The following CPNE2 variants were observed in gnomAD, a reference collection of about 807,000 sequenced individuals.
CPNE2 encodes copine 2, also known as copine-2.
A neutral mutation model predicts 69.7 loss-of-function variants in CPNE2; 42 were observed. The observed-to-expected ratio is 0.60, with a 90% CI of 0.47 to 0.78. CPNE2 has a LOEUF of 0.78. Ranked by LOEUF, CPNE2 falls within the 30% of genes least tolerant of loss-of-function variation. The pLI, the probability that CPNE2 is intolerant of heterozygous loss-of-function variation, is 0.00. For missense variants in CPNE2, 587 were observed against 732.0 expected (o/e 0.80, Z 2.29); for synonymous variants, 294 against 289.8 (o/e 1.01, Z -0.15).
intron 1 of CPNE2, among the ~76,000 whole-genome samples, chr16:57,099,879 G>C (rs539383126): frequency 6.6e-6 from 1 of 150,938 alleles, no homozygotes; most frequent in Non-Finnish European, 1.5e-5. Flanking sequence ...GGATTCAAGC[G>C]ATTCTCCTGC....
chr16:57,114,247 G>A (rs1380556183), intron 3 of CPNE2, among the ~76,000 whole-genome samples: 1 of 152,194 alleles, frequency 6.6e-6, no homozygotes, highest in Non-Finnish European at 1.5e-5. Context: ...GACAGGGCAG[G>A]GAACTGACAA....
At chr16:57,145,128 G>A (rs963059783) in intron 14 of CPNE2, among the ~76,000 whole-genome samples, 1 of 151,970 alleles carries the variant, frequency 6.6e-6, no homozygotes, top group Non-Finnish European at 1.5e-5. Context: ...ATATCCCATT[G>A]TAAATGAAAA....
At chr16:57,107,956 C>T (rs1264121894) in intron 1 of CPNE2, among the ~76,000 whole-genome samples, 4 of 151,240 alleles carry the variant, frequency 2.6e-5, no homozygotes, top group Admixed American at 1.3e-4. Flanking sequence ...CAGCAATCTC[C>T]ACCTCCTGGG....
At chr16:57,117,844 A>G (rs1269544968) in intron 5 of CPNE2, among the ~76,000 whole-genome samples, 1 of 152,112 alleles carries the variant, frequency 6.6e-6, no homozygotes, top group Non-Finnish European at 1.5e-5. Flanking sequence ...TCCTTACCCA[A>G]TGGGGCCCTG....
intron 6 of CPNE2, 81 bp from the exon 7 acceptor site, chr16:57,119,480 C>A: frequency 1.6e-6 from 2 of 1,274,720 alleles, no homozygotes; most frequent in Non-Finnish European, 2.2e-6. Context: ...CATTTTGTCA[C>A]CCTGTCCCCA....
Position 57,120,502 on chromosome 16 carries a change from A to AGGGGCTGGGTCTGAGAGCAGAT in CPNE2, c.682-587_682-566dup, listed in dbSNP as rs1265974353. On this transcript the variant is annotated intron_variant, in intron 7 of 15. Transcript: ENST00000290776. ...TAAAAAATAAAAGCTCTTGGTCCCC[A>AGGGGCTGGGTCTGAGAGCAGAT]GGGGCTGGGTCTGAGAGCAGATGGG... Among the ~76,000 whole-genome samples the AGGGGCTGGGTCTGAGAGCAGAT allele has an allele frequency of 9.9e-5, 15 of 152,192 alleles. No individual in the cohort carries two copies. In the East Asian group the frequency reaches 2.9e-3, roughly 29 times the overall value.
At chr16:57,103,372 C>G (rs912893662) in intron 1 of CPNE2, among the ~76,000 whole-genome samples, 16 of 152,334 alleles carry the variant, frequency 1.1e-4, no homozygotes, top group African/African-American at 3.6e-4. Flanking sequence ...AGTTCTCCCA[C>G]CTCAGCCTCC....
chr16:57,119,131 C>T (rs1168527101), intron 5 of CPNE2, 64 bp from the exon 6 acceptor site: 14 of 1,419,152 alleles, frequency 9.9e-6, no homozygotes, highest in African/African-American at 2.8e-5. Flanking sequence ...CAGGGCCACA[C>T]CCCCATCTGC....
At chr16:57,126,319 T>C (rs1597500328) in intron 11 of CPNE2, among the ~76,000 whole-genome samples, 1 of 151,298 alleles carries the variant, frequency 6.6e-6, no homozygotes, top group African/African-American at 2.5e-5. Flanking sequence ...ATGGGAGGCC[T>C]GGGGTGGGAG....
chr16:57,114,692 G>T (rs539010483), intron 3 of CPNE2, among the ~76,000 whole-genome samples: 58 of 152,318 alleles, frequency 3.8e-4, no homozygotes, highest in African/African-American at 1.3e-3. Flanking sequence ...CCTGAGTGCA[G>T]TGGGCAGACA....
intron 1 of CPNE2, among the ~76,000 whole-genome samples, chr16:57,108,268 T>A (rs1302275051): frequency 6.6e-6 from 1 of 152,224 alleles, no homozygotes; most frequent in Non-Finnish European, 1.5e-5. Flanking sequence ...AAAGCCTCAG[T>A]TTCCTCCTCT....
chr16:57,123,120 T>G (rs1226282251), intron 9 of CPNE2, among the ~76,000 whole-genome samples: 3 of 152,110 alleles, frequency 2.0e-5, no homozygotes, highest in African/African-American at 7.2e-5. Context: ...AGTGACAAAT[T>G]GAGACACTCT....
chr16:57,093,288 C>T (rs1441917680), intron 1 of CPNE2, among the ~76,000 whole-genome samples: 22 of 150,156 alleles, frequency 1.5e-4, no homozygotes, highest in Admixed American at 1.3e-3. Flanking sequence ...GTACTGGGAG[C>T]GCAGAGGGGG....
Position 57,119,241 on chromosome 16 carries a change from G to T in CPNE2, c.554G>T (p.Gly185Val), listed in dbSNP as rs199931516. The change falls in exon 6 of 16, where the codon GGA becomes GTA. Residue 185 changes from glycine to valine, a missense_variant. Transcript: ENST00000290776. The part of the protein sequence containing the change: ...SDPFLEFYKP[G>V]DDGKWMLVHR... Reference sequence around the variant, plus strand: ...CCCTTTCTGGAGTTTTATAAGCCAGGAGACGATGGCAAGTGGATGCTGGTC... The same window carrying T: ...CCCTTTCTGGAGTTTTATAAGCCAGTAGACGATGGCAAGTGGATGCTGGTC... 6.2e-7 allele frequency: 1 copy of T among 1,614,150 alleles called. No individual in the cohort carries two copies. Among genetic ancestry groups the T allele is most frequent in the East Asian group, 2.2e-5 (1 of 44,890 alleles).
chr16:57,119,374 G>A lies in CPNE2; in HGVS notation c.591+96G>A, dbSNP rs992508710. 4 of 1,351,290 alleles carry A rather than the reference G, an allele frequency of 3.0e-6. No homozygotes were observed. In the Admixed American group the frequency reaches 7.1e-5, roughly 24 times the overall value. The allele number at this position is 1,351,290 out of a possible 1,614,324, so 83.7% of individuals were successfully genotyped here. A position where few individuals can be genotyped will look rare whatever the true frequency, so the allele number is the denominator to read the frequency against. On this transcript the variant is annotated intron_variant, in intron 6 of 15. Transcript: ENST00000290776. Reference sequence around the variant, plus strand: ...AGGGAGGTGCGGTCACAGCCGCTCAGTGTGCAGGAAAACCCACAGTGGCAC... The same window carrying A: ...AGGGAGGTGCGGTCACAGCCGCTCAATGTGCAGGAAAACCCACAGTGGCAC...
At chr16:57,093,946 A>C in intron 1 of CPNE2, 1 of 428,382 alleles carries the variant, frequency 2.3e-6, no homozygotes. Context: ...CCTATGACCA[A>C]CAGGGAACTT....
In CPNE2 at chr16:57,147,957, A is replaced by G. The variant is rs2069972504; in HGVS notation, c.*299A>G. On this transcript the variant is annotated 3_prime_UTR_variant, in exon 16 of 16. Coordinates refer to ENST00000290776, the MANE Select transcript of CPNE2 (RefSeq NM_152727.6). The stretch of plus-strand genomic sequence containing the variant: ...AATTGTTATTGAGAATAAAATTTTT[A>G]CAATCATAACTGGCTTTTTCCAAGT... The G allele has an allele frequency of 3.5e-6, 1 of 283,394 alleles. No homozygotes were observed. 17.6% of individuals were successfully genotyped at this position (283,394 alleles called of 1,614,324 possible).
At chr16:57,108,070 A>G (rs2069658961) in intron 1 of CPNE2, among the ~76,000 whole-genome samples, 1 of 152,002 alleles carries the variant, frequency 6.6e-6, no homozygotes, top group Non-Finnish European at 1.5e-5. Flanking sequence ...GGGTTTCACC[A>G]TGTTGGCCAG....
At chr16:57,145,911 C>A in intron 14 of CPNE2, 174 bp from the exon 15 acceptor site, 4 of 622,236 alleles carry the variant, frequency 6.4e-6, no homozygotes, top group Non-Finnish European at 1.2e-5. Flanking sequence ...GAGAGGCCTG[C>A]AGGGGTGGGG....
Sources: allele counts gnomAD v4.1 joint callset (sites outside exome capture counted in the v4.1 genomes callset), GRCh38; gene constraint gnomAD v4.1.1; transcripts MANE v1.5; gene names NCBI Gene and HGNC (gene_info 2026-07-23, HGNC 2026-07-21).